The following RUNX2 variants were observed in gnomAD, a reference collection of about 807,000 sequenced individuals.
RUNX2 encodes the protein runt-related transcription factor 2.
RUNX2 carries 10 observed loss-of-function variants against 51.7 expected under a neutral mutation model. The observed-to-expected ratio is 0.19, with a 90% CI of 0.12 to 0.33. The LOEUF is 0.33. RUNX2 is among the 10% of genes least tolerant of loss of function. RUNX2 has a pLI of 1.00. For missense variants in RUNX2, 562 were observed against 691.3 expected, an observed-to-expected ratio of 0.81 and a Z score of 2.10; for synonymous variants, 276 against 273.6, an observed-to-expected ratio of 1.01 and a Z score of -0.09.
At chr6:45,388,915 C>T (rs532319810) in intron 2 of RUNX2, among the ~76,000 whole-genome samples, 2 of 152,076 alleles carry the variant, frequency 1.3e-5, no homozygotes, top group Non-Finnish European at 2.9e-5. Context: ...AAATATTCAG[C>T]GACTCCCCCT....
At chr6:45,444,051 A>G (rs1457683883) in intron 5 of RUNX2, among the ~76,000 whole-genome samples, 2 of 152,116 alleles carry the variant, frequency 1.3e-5, no homozygotes, top group Non-Finnish European at 2.9e-5. Context: ...GGATTTTGCC[A>G]TGTTGGCCGA....
At chr6:45,336,387 C>T (rs1366895701) in intron 2 of RUNX2, among the ~76,000 whole-genome samples, 1 of 151,302 alleles carries the variant, frequency 6.6e-6, no homozygotes, top group African/African-American at 2.4e-5. Context: ...ATAAAGTGAT[C>T]TGTTTTTAAC....
chr6:45,550,008 T>C lies in RUNX2; in HGVS notation c.*2703T>C, dbSNP rs1802517685. ...ATTTTGTTTTTCTTTCTTTCTTTTT[T>C]TTTTTTTTTCACTGAACCCTTAATT... On this transcript the variant is annotated 3_prime_UTR_variant, in exon 9 of 9. Coordinates refer to ENST00000647337, the MANE Select transcript of RUNX2 (RefSeq NM_001024630.4). 1 of 152,142 alleles carries C rather than the reference T, an allele frequency of 6.6e-6. No individual in the cohort carries two copies. The highest frequency in any genetic ancestry group is 2.4e-5 in the African/African-American group (1 of 41,366). 9.4% of individuals were successfully genotyped at this position (152,142 alleles called of 1,614,324 possible).
intron 1 of RUNX2, 55 bp downstream of exon 1, chr6:45,328,515 G>C: frequency 1.3e-6 from 2 of 1,546,834 alleles, no homozygotes; most frequent in Admixed American, 1.8e-5. Flanking sequence ...TCAAATATTT[G>C]CTCATTCTCT....
At chr6:45,386,039 C>T (rs1025887974) in intron 2 of RUNX2, among the ~76,000 whole-genome samples, 1 of 150,320 alleles carries the variant, frequency 6.7e-6, no homozygotes, top group Admixed American at 6.6e-5. Flanking sequence ...TCTTTGAGGG[C>T]TTACTGCCCA....
intron 2 of RUNX2, among the ~76,000 whole-genome samples, chr6:45,406,030 T>A (rs1036982718): frequency 1.3e-5 from 2 of 152,202 alleles, no homozygotes; most frequent in African/African-American, 4.8e-5. Flanking sequence ...AATTCGTTGG[T>A]ACATAATATA....
Position 45,471,705 on chromosome 6 carries a change from G to C in RUNX2, c.686-20236G>C, listed in dbSNP as rs1425863890. The stretch of plus-strand genomic sequence containing the variant: ...GTCCTCCTCGGCCTCCCAAAGTGCT[G>C]GGATTACAGGCGTGAGCCACCGCTG... On this transcript the variant is annotated intron_variant, in intron 5 of 8. Coordinates refer to ENST00000647337, the MANE Select transcript of RUNX2 (RefSeq NM_001024630.4). Among the ~76,000 whole-genome samples, 3 of 152,206 alleles carry C rather than the reference G, an allele frequency of 2.0e-5. No individual in the cohort carries two copies. In the East Asian group the frequency reaches 5.8e-4, roughly 29 times the overall value.
intron 7 of RUNX2, among the ~76,000 whole-genome samples, chr6:45,518,421 G>T (rs920021880): frequency 6.6e-6 from 1 of 152,072 alleles, no homozygotes; most frequent in Non-Finnish European, 1.5e-5. Context: ...ATAGCAGATG[G>T]TGTTCTAATC....
chr6:45,534,243 G>A (rs1367272350), intron 7 of RUNX2, among the ~76,000 whole-genome samples: 1 of 151,870 alleles, frequency 6.6e-6, no homozygotes, highest in Non-Finnish European at 1.5e-5. Context: ...TGCTAATGAG[G>A]CACCTCTATT....
Position 45,351,933 on chromosome 6 carries a change from C to T in RUNX2, c.58+23149C>T, listed in dbSNP as rs144966063. On this transcript the variant is annotated intron_variant, in intron 2 of 8. Coordinates refer to ENST00000647337, the MANE Select transcript of RUNX2 (RefSeq NM_001024630.4). The stretch of plus-strand genomic sequence containing the variant: ...GCTGAGTCACTGACAACTTAGGCAA[C>T]AATTAGTATACTCCTAATTAGCTTT... Among the ~76,000 whole-genome samples, 727 of 152,270 alleles carry T rather than the reference C, an allele frequency of 4.8e-3. 4 individuals are homozygous for T. Among genetic ancestry groups the T allele is most frequent in the African/African-American group, 0.017 (694 of 41,546 alleles).
intron 2 of RUNX2, among the ~76,000 whole-genome samples, chr6:45,414,664 G>A (rs1303972347): frequency 1.3e-5 from 2 of 150,164 alleles, no homozygotes; most frequent in East Asian, 2.0e-4. Context: ...GGCAGCAATC[G>A]TCTAGCCCTG....
chr6:45,333,029 C>A (rs965867684), intron 2 of RUNX2, among the ~76,000 whole-genome samples: 1 of 151,658 alleles, frequency 6.6e-6, no homozygotes, highest in African/African-American at 2.4e-5. Context: ...AACTCCAATA[C>A]TTGGTATTTT....
intron 2 of RUNX2, among the ~76,000 whole-genome samples, chr6:45,333,062 C>A (rs1258601749): frequency 6.6e-6 from 1 of 151,552 alleles, no homozygotes; most frequent in Admixed American, 6.6e-5. Flanking sequence ...ATATTCTAAG[C>A]TAACTGTCTA....
At chr6:45,475,307 G>A (rs1799926849) in intron 5 of RUNX2, among the ~76,000 whole-genome samples, 1 of 152,138 alleles carries the variant, frequency 6.6e-6, no homozygotes, top group Non-Finnish European at 1.5e-5. Flanking sequence ...AGGTTTTATT[G>A]AAGTCAAGGC....
chr6:45,380,932 CTTTGTTG>C, intron 2 of RUNX2, among the ~76,000 whole-genome samples: 1 of 152,228 alleles, frequency 6.6e-6, no homozygotes, highest in African/African-American at 2.4e-5. Context: ...CTTGGAAATT[CTTTGTTG>C]TTTGAGATTC....
At chr6:45,475,218 A>G (rs1024069604) in intron 5 of RUNX2, among the ~76,000 whole-genome samples, 2 of 152,120 alleles carry the variant, frequency 1.3e-5, no homozygotes, top group African/African-American at 4.8e-5. Flanking sequence ...ATAGAACATG[A>G]GAAAGGGCAT....
chr6:45,504,442 G>A (rs570442975), intron 6 of RUNX2, among the ~76,000 whole-genome samples: 15 of 152,296 alleles, frequency 9.8e-5, no homozygotes, highest in African/African-American at 3.1e-4. Context: ...AGCCTGCACA[G>A]TTAGTGCCAG....
At chr6:45,365,101 T>G (rs193267695) in intron 2 of RUNX2, 25 of 763,396 alleles carry the variant, frequency 3.3e-5, no homozygotes, top group Non-Finnish European at 4.5e-5. Context: ...AATAACAAAT[T>G]ATTTCCAAGT....
intron 2 of RUNX2, among the ~76,000 whole-genome samples, chr6:45,379,079 G>C (rs1797152144): frequency 6.6e-6 from 1 of 152,134 alleles, no homozygotes; most frequent in African/African-American, 2.4e-5. Context: ...GTTTAAAATA[G>C]CAACTTATTT....
Sources: allele counts gnomAD v4.1 joint callset (sites outside exome capture counted in the v4.1 genomes callset), GRCh38; gene constraint gnomAD v4.1.1; transcripts MANE v1.5; gene names NCBI Gene and HGNC (gene_info 2026-07-23, HGNC 2026-07-21).